RBM17: variants seen among roughly 807,000 people sequenced by gnomAD.
The protein encoded by RBM17 is splicing factor 45.
In RBM17, 7 loss-of-function variants were observed where a neutral mutation model predicts 53.2. That is an observed-to-expected ratio of 0.13 (90% CI 0.07 to 0.25). RBM17 has a LOEUF of 0.25. Among genes scored for constraint, RBM17 ranks in the 10% least tolerant of loss-of-function variants. The pLI, the probability that RBM17 is intolerant of heterozygous loss-of-function variation, is 1.00. For synonymous variants in RBM17, 167 were observed against 178.1 expected, an observed-to-expected ratio of 0.94 and a Z score of 0.50; for missense variants, 257 against 496.7, an observed-to-expected ratio of 0.52 and a Z score of 4.59.
chr10:6,108,801 G>T, intron 6 of RBM17, 59 bp downstream of exon 6: 1 of 1,377,502 alleles, frequency 7.3e-7, no homozygotes, highest in Non-Finnish European at 1.0e-6. Context: ...CCAACCATGG[G>T]GGATCTCAGC....
At chr10:6,097,259 T>C (rs1466922870) in intron 2 of RBM17, 71 bp downstream of exon 2, 2 of 1,503,804 alleles carry the variant, frequency 1.3e-6, no homozygotes, top group Admixed American at 3.7e-5. Flanking sequence ...ACAAGGAATT[T>C]GGTTTCAGCT....
chr10:6,093,811 G>A (rs1218635163), intron 1 of RBM17, among the ~76,000 whole-genome samples: 1 of 151,966 alleles, frequency 6.6e-6, no homozygotes, highest in African/African-American at 2.4e-5. Context: ...TTGAGGATGC[G>A]ACCCATGTCT....
At chr10:6,101,479 T>G (rs1338178772) in intron 3 of RBM17, 92 bp downstream of exon 3, 1 of 608,578 alleles carries the variant, frequency 1.6e-6, no homozygotes, top group African/African-American at 1.9e-5. Context: ...ATGGCCTCCT[T>G]GGTGGGCCTT....
chr10:6,113,669 T>C, intron 9 of RBM17, 88 bp downstream of exon 9: 3 of 863,774 alleles, frequency 3.5e-6, no homozygotes, highest in Non-Finnish European at 5.7e-6. Flanking sequence ...AAGTTAAAAC[T>C]GAAAATGATA....
In RBM17 at chr10:6,097,945, C is replaced by G. The variant is rs115449287; in HGVS notation, c.123+757C>G. 3.3e-3 allele frequency among the ~76,000 whole-genome samples: 504 copies of G among 152,314 alleles called. 6 individuals carry two copies. The highest frequency in any genetic ancestry group is 0.012 in the African/African-American group (485 of 41,554). ...AGAATACCTAAGCTGCTGCGTGCAA[C>G]TTATTGAGGGCTCAGGTTGATTGTG... is the stretch of plus-strand genomic sequence containing the variant. On this transcript the variant is annotated intron_variant, in intron 2 of 11. Coordinates refer to ENST00000379888, the MANE Select transcript of RBM17 (RefSeq NM_032905.5).
At chr10:6,097,481 G>A (rs981579174) in intron 2 of RBM17, among the ~76,000 whole-genome samples, 6 of 152,142 alleles carry the variant, frequency 3.9e-5, no homozygotes, top group Admixed American at 6.5e-5. Flanking sequence ...GGCAGATCAC[G>A]AGGTCAGGAG....
chr10:6,090,827 C>T (rs1840470343), intron 1 of RBM17, among the ~76,000 whole-genome samples: 2 of 149,916 alleles, frequency 1.3e-5, no homozygotes, highest in African/African-American at 4.9e-5. Flanking sequence ...AAAGATTAAA[C>T]TGACAAGGGC....
intron 8 of RBM17, 92 bp from the exon 9 acceptor site, chr10:6,113,416 A>G: frequency 1.2e-6 from 1 of 855,400 alleles, no homozygotes; most frequent in Admixed American, 2.1e-5. Context: ...TTGAAATTAA[A>G]TTAATTATTG....
chr10:6,108,430 A>G, intron 5 of RBM17: 1 of 467,922 alleles, frequency 2.1e-6, no homozygotes, highest in Non-Finnish European at 3.8e-6. Context: ...TCATTTGCAG[A>G]CTACATTGTG....
In RBM17 at chr10:6,107,479, C is replaced by CTTTTTTTTTTTTTT. The variant is rs71390124; in HGVS notation, c.506-1199_506-1186dup. 2.5e-3 allele frequency among the ~76,000 whole-genome samples: 144 copies of CTTTTTTTTTTTTTT among 56,592 alleles called. 25 individuals carry two copies. Among genetic ancestry groups the CTTTTTTTTTTTTTT allele is most frequent in the East Asian group, 6.6e-3 (12 of 1,830 alleles). 37.1% of individuals were successfully genotyped at this position (56,592 alleles called of 152,430 possible). The stretch of plus-strand genomic sequence containing the variant: ...AGGTATGAGCCACTGCACCCGGCCT[C>CTTTTTTTTTTTTTT]TTTTTTTTTTTTTTTTTTTTTGGAG... On this transcript the variant is annotated intron_variant, in intron 5 of 11. Transcript: ENST00000379888.
At chr10:6,108,397 G>A (rs1055052557) in intron 5 of RBM17, 1 of 430,136 alleles carries the variant, frequency 2.3e-6, no homozygotes, top group Non-Finnish European at 4.1e-6. Flanking sequence ...GGTTCTCTTG[G>A]TTGTATTGTT....
rs754980855 is a variant in RBM17 at position 6,108,706 on chromosome 10, G to C, written c.526G>C (p.Ala176Pro). The change falls in exon 6 of 12, where the codon GCC becomes CCC. Residue 176 changes from alanine to proline, a missense_variant. Physicochemically the swap from Ala to Pro is conservative, Grantham distance 27 (BLOSUM62 -1). Around this residue, in one of 6 missense-constraint regions of RBM17, gnomAD observed 127 missense variants for 217.2 expected, o/e 0.58. Transcript: ENST00000379888. ...TGCAGGTATGGGCGGAGCTGCCATT[G>C]CCCCACCCACTTCTCTGGTAGAGAA... ...RKRSMGGAAI[A>P]PPTSLVEKDK... The C allele has an allele frequency of 6.2e-7, 1 of 1,612,664 alleles. No individual in the cohort carries two copies. The highest frequency in any genetic ancestry group is 8.5e-7 in the Non-Finnish European group (1 of 1,179,744).
intron 1 of RBM17, among the ~76,000 whole-genome samples, chr10:6,093,307 G>A (rs1222516108): frequency 6.6e-6 from 1 of 152,038 alleles, no homozygotes; most frequent in Non-Finnish European, 1.5e-5. Flanking sequence ...TCCGCCTCCC[G>A]GGTTCAAGCA....
Position 6,110,257 on chromosome 10 carries a change from C to G in RBM17, c.704+130C>G, listed in dbSNP as rs41295353. ...TTGGTGTGTGCAGGTCACACGGTACCTGCCTCAATCGTGTGGAGCGTGTTC... is the reference window on the plus strand; with the variant it reads ...TTGGTGTGTGCAGGTCACACGGTACGTGCCTCAATCGTGTGGAGCGTGTTC... On this transcript the variant is annotated intron_variant, in intron 7 of 11. Transcript: ENST00000379888. 0.17 allele frequency: 110,649 copies of G among 645,524 alleles called. 11,271 individuals carry two copies. The highest frequency in any genetic ancestry group is 0.34 in the African/African-American group (18,171 of 53,962). The allele number at this position is 645,524 out of a possible 1,614,324, so 40.0% of individuals were successfully genotyped here.
chr10:6,093,253 A>G (rs1387516668), intron 1 of RBM17, among the ~76,000 whole-genome samples: 12 of 152,044 alleles, frequency 7.9e-5, no homozygotes. Flanking sequence ...TCGCTCTATC[A>G]TCCAGGCTGG....
intron 4 of RBM17, 105 bp downstream of exon 4, chr10:6,105,202 G>A: frequency 1.9e-6 from 2 of 1,027,030 alleles, no homozygotes; most frequent in African/African-American, 1.6e-5. Flanking sequence ...TAATTGTCAT[G>A]GGTGATCTGA....
chr10:6,110,314 A>G (rs567983704), intron 7 of RBM17, among the ~76,000 whole-genome samples, 187 bp downstream of exon 7: 1 of 152,348 alleles, frequency 6.6e-6, no homozygotes, highest in Non-Finnish European at 1.5e-5. Flanking sequence ...TCAAAACAGC[A>G]ACCTCCCAGT....
chr10:6,097,693 A>C (rs531779564), intron 2 of RBM17, among the ~76,000 whole-genome samples: 9 of 152,352 alleles, frequency 5.9e-5, no homozygotes, highest in African/African-American at 1.9e-4. Context: ...ACAAACAAAC[A>C]AAAAAACAGT....
intron 3 of RBM17, among the ~76,000 whole-genome samples, chr10:6,104,197 A>G (rs1232556603): frequency 1.3e-5 from 2 of 152,188 alleles, no homozygotes; most frequent in African/African-American, 2.4e-5. Flanking sequence ...TTCCTAGTAT[A>G]CTGGCTGTGC....
Sources: allele counts gnomAD v4.1 joint callset (sites outside exome capture counted in the v4.1 genomes callset), GRCh38; gene constraint gnomAD v4.1.1; regional missense constraint gnomAD v4.1.1; transcripts MANE v1.5; gene names NCBI Gene and HGNC (gene_info 2026-07-23, HGNC 2026-07-21).